MYO9A: variants seen among roughly 807,000 people sequenced by gnomAD.
MYO9A encodes unconventional myosin-IXa.
In MYO9A, 103 loss-of-function variants were observed where a neutral mutation model predicts 293.3. The ratio of observed to expected loss-of-function variants is 0.35; its 90% CI spans 0.30 to 0.41. MYO9A has a LOEUF of 0.41. Among genes scored for constraint, MYO9A ranks in the 10% least tolerant of loss-of-function variants. MYO9A has a pLI of 1.00. For synonymous variants in MYO9A, 1,001 were observed against 1,035.7 expected, an observed-to-expected ratio of 0.97 and a Z score of 0.64; for missense variants, 2,685 against 3,033.0, an observed-to-expected ratio of 0.89 and a Z score of 2.69.
At chr15:72,000,651 A>T (rs535209521) in intron 8 of MYO9A, among the ~76,000 whole-genome samples, 19 of 152,180 alleles carry the variant, frequency 1.2e-4, no homozygotes, top group East Asian at 3.9e-4. Flanking sequence ...TATTATTATT[A>T]TTTTTTGAGA....
intron 12 of MYO9A, among the ~76,000 whole-genome samples, chr15:71,974,021 G>A (rs1017976296): frequency 6.6e-6 from 1 of 152,114 alleles, no homozygotes; most frequent in Non-Finnish European, 1.5e-5. Flanking sequence ...CAAATGAATG[G>A]GTCTTGACAG....
At chr15:71,857,814 C>G (rs1422787088) in intron 34 of MYO9A, among the ~76,000 whole-genome samples, 2 of 152,270 alleles carry the variant, frequency 1.3e-5, no homozygotes, top group African/African-American at 2.4e-5. Context: ...TCAGAGTGAA[C>G]AGGCAACCTA....
intron 34 of MYO9A, among the ~76,000 whole-genome samples, chr15:71,857,330 T>G (rs745559674): frequency 1.3e-5 from 2 of 152,234 alleles, no homozygotes; most frequent in Non-Finnish European, 2.9e-5. Context: ...ATAGTTATTT[T>G]TCATTTAAAC....
intron 4 of MYO9A, among the ~76,000 whole-genome samples, chr15:72,023,059 T>C (rs779013540): frequency 3.3e-5 from 5 of 152,160 alleles, no homozygotes; most frequent in African/African-American, 4.8e-5. Context: ...AAGAAAACTA[T>C]GAGAACGCTA....
intron 1 of MYO9A, among the ~76,000 whole-genome samples, chr15:72,083,118 TG>T (rs1227851276): frequency 6.6e-6 from 1 of 152,162 alleles, no homozygotes; most frequent in Non-Finnish European, 1.5e-5. Context: ...TTTGTATATC[TG>T]GTAGAATTTG....
chr15:71,938,441 G>A (rs1179399502), intron 16 of MYO9A, among the ~76,000 whole-genome samples: 1 of 151,954 alleles, frequency 6.6e-6, no homozygotes, highest in Non-Finnish European at 1.5e-5. Context: ...GGTAAGCTTT[G>A]GTAATCGCAC....
At chr15:71,978,909 T>C (rs1007534623) in intron 11 of MYO9A, among the ~76,000 whole-genome samples, 1 of 152,146 alleles carries the variant, frequency 6.6e-6, no homozygotes, top group Non-Finnish European at 1.5e-5. Flanking sequence ...TGGAGATATA[T>C]TCTTCTATTC....
At chr15:72,053,452 A>G (rs546270596) in intron 1 of MYO9A, among the ~76,000 whole-genome samples, 2 of 152,226 alleles carry the variant, frequency 1.3e-5, no homozygotes, top group Non-Finnish European at 2.9e-5. Context: ...CATGTGGCAC[A>G]TATACACCAC....
chr15:72,008,564 T>C (rs2077086572), intron 7 of MYO9A, among the ~76,000 whole-genome samples: 1 of 151,176 alleles, frequency 6.6e-6, no homozygotes, highest in Non-Finnish European at 1.5e-5. Context: ...GTGAAACAAC[T>C]TCATATGGAC....
intron 19 of MYO9A, among the ~76,000 whole-genome samples, chr15:71,906,758 C>CTTTTTTTTT (rs71131714): frequency 3.4e-4 from 21 of 61,014 alleles, no homozygotes; most frequent in Admixed American, 8.7e-4. Context: ...CCATTTCTTT[C>CTTTTTTTTT]TTTTTTTTTT....
intron 3 of MYO9A, among the ~76,000 whole-genome samples, chr15:72,028,543 A>G (rs1464976322): frequency 1.3e-5 from 2 of 151,718 alleles, no homozygotes; most frequent in Non-Finnish European, 2.9e-5. Context: ...GCTACTCGGA[A>G]GGCTAAGGCA....
chr15:72,067,752 G>C (rs1041026653), intron 1 of MYO9A, among the ~76,000 whole-genome samples: 2 of 152,034 alleles, frequency 1.3e-5, no homozygotes, highest in Admixed American at 1.3e-4. Flanking sequence ...TGCAAAATGA[G>C]ATTTTATTTT....
intron 8 of MYO9A, among the ~76,000 whole-genome samples, chr15:72,004,036 C>T (rs895131666): frequency 6.6e-6 from 1 of 152,196 alleles, no homozygotes; most frequent in East Asian, 1.9e-4. Flanking sequence ...CGCATACCCA[C>T]ACAACCCCAA....
chr15:71,955,436 C>G (rs1460604319), intron 14 of MYO9A, among the ~76,000 whole-genome samples: 1 of 152,190 alleles, frequency 6.6e-6, no homozygotes, highest in East Asian at 1.9e-4. Flanking sequence ...GCCATGTTGT[C>G]TGTTCTTAAA....
rs2077717185 is a variant in MYO9A, at chr15:72,027,771, G to A, written c.958C>T (p.Leu320=). 1.2e-5 allele frequency: 19 copies of A among 1,608,830 alleles called. No homozygotes were observed. Among genetic ancestry groups the A allele is most frequent in the East Asian group, 2.2e-5 (1 of 44,804 alleles). The change falls in exon 4 of 42, where the codon CTG becomes TTG. Residue 320 remains leucine (L), a synonymous_variant. Transcript: ENST00000356056. ...VLGAYVEKYL[L]EKSRLVYQEH... is the part of the protein sequence containing the mutation. ...TGATAAACGAGTCTGGACTTCTCCA[G>A]TAGATATTTTTCAACATAGGCACTA...
chr15:71,924,073 T>A (rs200341603), intron 18 of MYO9A, among the ~76,000 whole-genome samples: 2,108 of 145,738 alleles, frequency 0.014, 23 homozygotes, highest in East Asian at 0.025. Flanking sequence ...AATTTTTTTT[T>A]AATTTCCCTT....
At chr15:72,052,709 C>T (rs965255223) in intron 1 of MYO9A, among the ~76,000 whole-genome samples, 1 of 152,174 alleles carries the variant, frequency 6.6e-6, no homozygotes, top group South Asian at 2.1e-4. Flanking sequence ...TTGAGGTATG[C>T]CTGATCCACA....
rs118113222 is a variant in MYO9A, at chr15:71,970,840, C to T, written c.1845-2715G>A. 2.4e-3 allele frequency among the ~76,000 whole-genome samples: 358 copies of T among 152,172 alleles called. 17 individuals are homozygous for T. The East Asian group carries it at 0.062, about 26-fold the overall frequency. ...ATTTATGGCCACATGGCTCAACCCT[C>T]GTAGCTTTCGGGTAACAGCAAATAA... On this transcript the variant is annotated intron_variant, in intron 12 of 41. Transcript: ENST00000356056.
intron 13 of MYO9A, among the ~76,000 whole-genome samples, chr15:71,966,709 C>T (rs1234981626): frequency 6.6e-6 from 1 of 152,100 alleles, no homozygotes; most frequent in Non-Finnish European, 1.5e-5. Context: ...TTCAGTTTAC[C>T]TTAAGATTTC....
Sources: gnomAD v4.1 joint callset for allele counts (sites outside exome capture counted in the v4.1 genomes callset) on GRCh38, gnomAD v4.1.1 for gene constraint, MANE v1.5 for transcripts, NCBI Gene and HGNC (gene_info 2026-07-23, HGNC 2026-07-21) for gene names.